Variants in CLMP observed in about 807,000 individuals in gnomAD.
CLMP encodes the protein CXADR-like membrane protein.
CLMP carries 27 observed loss-of-function variants against 45.2 expected under a neutral mutation model. The ratio of observed to expected loss-of-function variants is 0.60; its 90% CI spans 0.44 to 0.82. The LOEUF (loss-of-function observed/expected upper bound fraction) is 0.82. CLMP is among the 40% of genes least tolerant of loss of function. CLMP has a pLI of 0.00. For synonymous variants in CLMP, 167 were observed against 171.4 expected, an observed-to-expected ratio of 0.97 and a Z score of 0.20; for missense variants, 403 against 448.4, an observed-to-expected ratio of 0.90 and a Z score of 0.91.
chr11:123,126,368 C>A (rs1029183312), intron 1 of CLMP, among the ~76,000 whole-genome samples: 4 of 152,174 alleles, frequency 2.6e-5, no homozygotes, highest in Non-Finnish European at 4.4e-5. Flanking sequence ...GGAAGTTCAT[C>A]TGAAAATATT....
chr11:123,193,803 C>T lies in CLMP; in HGVS notation c.28+1110G>A, dbSNP rs577234951. On this transcript the variant is annotated intron_variant, in intron 1 of 6. Coordinates refer to ENST00000448775, the MANE Select transcript of CLMP (RefSeq NM_024769.5). ...ACCATCTAGTATTCTCTTTCCAGAGCTAAAGACGTGGAAGCCCTGGATAAG... is the reference window on the plus strand; with the variant it reads ...ACCATCTAGTATTCTCTTTCCAGAGTTAAAGACGTGGAAGCCCTGGATAAG... Among the ~76,000 whole-genome samples, 6 of 152,282 alleles carry T rather than the reference C, an allele frequency of 3.9e-5. No homozygotes were observed. The East Asian group carries it at 9.6e-4, about 24-fold the overall frequency.
At chr11:123,179,857 G>A (rs1343452743) in intron 1 of CLMP, among the ~76,000 whole-genome samples, 2 of 152,180 alleles carry the variant, frequency 1.3e-5, no homozygotes, top group East Asian at 1.9e-4. Context: ...ACTTCTCTGA[G>A]CCTCTGTTTC....
intron 1 of CLMP, among the ~76,000 whole-genome samples, chr11:123,101,912 G>A (rs942794892): frequency 2.0e-5 from 3 of 152,146 alleles, no homozygotes; most frequent in Admixed American, 6.6e-5. Flanking sequence ...GGCCGGGTGC[G>A]GTGGCTCATG....
At chr11:123,129,649 G>A (rs1241820051) in intron 1 of CLMP, among the ~76,000 whole-genome samples, 1 of 134,892 alleles carries the variant, frequency 7.4e-6, no homozygotes. Flanking sequence ...ATGATATATA[G>A]TTCAGTATAT....
At chr11:123,150,392 G>A (rs563276165) in intron 1 of CLMP, among the ~76,000 whole-genome samples, 1 of 131,484 alleles carries the variant, frequency 7.6e-6, no homozygotes, top group East Asian at 2.3e-4. Context: ...GAGCCAAAAA[G>A]ATGAACAAAA....
chr11:123,187,821 T>C (rs1482683114), intron 1 of CLMP, among the ~76,000 whole-genome samples: 1 of 152,206 alleles, frequency 6.6e-6, no homozygotes, highest in East Asian at 1.9e-4. Context: ...AGGAAGCTCC[T>C]GGCTGAATGC....
At chr11:123,106,850 C>A (rs1428523748) in intron 1 of CLMP, among the ~76,000 whole-genome samples, 1 of 151,754 alleles carries the variant, frequency 6.6e-6, no homozygotes, top group African/African-American at 2.4e-5. Context: ...GAAACCCCGT[C>A]TCTACTAAAA....
chr11:123,124,120 AT>A (rs1860857560), intron 1 of CLMP, among the ~76,000 whole-genome samples: 4 of 152,070 alleles, frequency 2.6e-5, no homozygotes, highest in African/African-American at 9.7e-5. Context: ...GCCCTGTTAT[AT>A]TTTTTTGGTT....
intron 1 of CLMP, among the ~76,000 whole-genome samples, chr11:123,160,006 C>T (rs1025413543): frequency 6.6e-6 from 1 of 151,992 alleles, no homozygotes; most frequent in Non-Finnish European, 1.5e-5. Context: ...CGGCTGGGTG[C>T]GGTGGCCCAC....
At chr11:123,190,001 CAAAAAAA>C (rs10594946) in intron 1 of CLMP, among the ~76,000 whole-genome samples, 1 of 129,512 alleles carries the variant, frequency 7.7e-6, no homozygotes. Flanking sequence ...GACTCTGTCT[CAAAAAAA>C]AAAAAAAAAA....
chr11:123,130,683 C>T (rs932542917), intron 1 of CLMP, among the ~76,000 whole-genome samples: 3 of 149,210 alleles, frequency 2.0e-5, no homozygotes, highest in Admixed American at 1.3e-4. Flanking sequence ...GAGGGTTGAG[C>T]TGTGGAAAAG....
At chr11:123,167,772 C>G (rs1861578889) in intron 1 of CLMP, among the ~76,000 whole-genome samples, 1 of 152,190 alleles carries the variant, frequency 6.6e-6, no homozygotes, top group Admixed American at 6.5e-5. Context: ...CCTCAAAGGA[C>G]TCTTCCAATC....
At chr11:123,192,719 G>T (rs560705635) in intron 1 of CLMP, among the ~76,000 whole-genome samples, 61 of 152,198 alleles carry the variant, frequency 4.0e-4, no homozygotes, top group African/African-American at 1.3e-3. Flanking sequence ...AGGAAACATG[G>T]AGTCAACTGT....
At position 123,073,532 on chromosome 11, in the gene CLMP, T is replaced by C. The variant is rs1865698053; in HGVS notation, c.1064A>G (p.Lys355Arg). ...PKKVHHANLT[K>R]AETTPSMIPS... ...GATCATGCTGGGTGTGGTTTCTGCTTTGGTCAGATTAGCATGGTGGACTTT... is the reference window on the plus strand; with the variant it reads ...GATCATGCTGGGTGTGGTTTCTGCTCTGGTCAGATTAGCATGGTGGACTTT... Residue 355 changes from lysine (K) to arginine (R), a missense_variant, in exon 7 of 7, where the codon AAA (lysine) becomes AGA (arginine). Coordinates refer to ENST00000448775, the MANE Select transcript of CLMP (RefSeq NM_024769.5). 3 of 1,614,058 alleles carry C rather than the reference T, an allele frequency of 1.9e-6. No homozygotes were observed. In the African/African-American group the frequency reaches 4.0e-5, roughly 22 times the overall value.
intron 5 of CLMP, among the ~76,000 whole-genome samples, chr11:123,079,917 G>A (rs931988041): frequency 2.6e-5 from 4 of 152,190 alleles, no homozygotes; most frequent in Admixed American, 1.3e-4. Context: ...CTGCGACTTC[G>A]TAGCTCGATG....
intron 5 of CLMP, among the ~76,000 whole-genome samples, chr11:123,078,629 G>GT (rs1355836378): frequency 3.2e-4 from 45 of 141,666 alleles, no homozygotes; most frequent in East Asian, 1.8e-3. Context: ...GTTTTTTTGT[G>GT]TTTTTTTTGG....
At chr11:123,168,497 G>A (rs1410691115) in intron 1 of CLMP, among the ~76,000 whole-genome samples, 3 of 152,212 alleles carry the variant, frequency 2.0e-5, no homozygotes, top group Non-Finnish European at 2.9e-5. Context: ...TATTCACGGG[G>A]AATGAGGAAG....
chr11:123,156,299 CTG>C, intron 1 of CLMP, among the ~76,000 whole-genome samples: 1 of 152,180 alleles, frequency 6.6e-6, no homozygotes, highest in East Asian at 1.9e-4. Context: ...AAATAAATGT[CTG>C]TTATTTAAGT....
rs199765062 is a variant in CLMP, at chr11:123,097,902, C to T, written c.79G>A (p.Ala27Thr). Residue 27 changes from alanine to threonine, a missense_variant, in exon 2 of 7, where the codon GCA becomes ACA. By Grantham distance (58) the Ala-to-Thr change is moderately conservative (BLOSUM62 0). Coordinates refer to ENST00000448775, the MANE Select transcript of CLMP (RefSeq NM_024769.5). ...CAGGGCAAAGTGACCTTTTCCTCTGCCACTCTCTTGATCTCAGTGTGAGTC... is the reference window on the plus strand; with the variant it reads ...CAGGGCAAAGTGACCTTTTCCTCTGTCACTCTCTTGATCTCAGTGTGAGTC... ...LGTHTEIKRV[A>T]EEKVTLPCHH... 18 of 1,608,442 alleles carry T rather than the reference C, an allele frequency of 1.1e-5. No homozygotes were observed. The highest frequency in any genetic ancestry group is 1.5e-5 in the Non-Finnish European group (18 of 1,177,624).
Sources: allele counts gnomAD v4.1 joint callset (sites outside exome capture counted in the v4.1 genomes callset), GRCh38; gene constraint gnomAD v4.1.1; transcripts MANE v1.5; gene names NCBI Gene and HGNC (gene_info 2026-07-23, HGNC 2026-07-21).